The following AKAP13 variants were observed in gnomAD, a reference collection of about 807,000 sequenced individuals.
AKAP13 encodes A-kinase anchor protein 13.
In AKAP13, 80 loss-of-function variants were observed where a neutral mutation model predicts 264.5. The ratio of observed to expected loss-of-function variants is 0.30; its 90% CI spans 0.25 to 0.36. The LOEUF is 0.36. AKAP13 is among the 10% of genes least tolerant of loss of function. The pLI is 1.00. For synonymous variants in AKAP13, 1,380 were observed against 1,250.2 expected, an observed-to-expected ratio of 1.10 and a Z score of -2.19; for missense variants, 3,712 against 3,435.2, an observed-to-expected ratio of 1.08 and a Z score of -2.01.
intron 1 of AKAP13, among the ~76,000 whole-genome samples, chr15:85,383,048 C>A (rs532024672): frequency 4.6e-4 from 70 of 152,196 alleles, no homozygotes; most frequent in African/African-American, 1.5e-3. Context: ...TCAGCCCCCC[C>A]CTTTTTGTGA....
chr15:85,591,748 A>G (rs1013938181), intron 8 of AKAP13, among the ~76,000 whole-genome samples: 1 of 152,156 alleles, frequency 6.6e-6, no homozygotes, highest in African/African-American at 2.4e-5. Flanking sequence ...AGATATGGCC[A>G]AGTTCATTAG....
At chr15:85,491,351 G>T (rs556902084) in intron 2 of AKAP13, among the ~76,000 whole-genome samples, 14 of 151,898 alleles carry the variant, frequency 9.2e-5, no homozygotes, top group Non-Finnish European at 1.6e-4. Context: ...GGGCAGATGG[G>T]ATTCTTAGAT....
chr15:85,408,768 A>G (rs1055330886), intron 1 of AKAP13, among the ~76,000 whole-genome samples: 27 of 151,870 alleles, frequency 1.8e-4, no homozygotes, highest in African/African-American at 6.3e-4. Context: ...GTTATTGTGA[A>G]TAATGTTGCT....
chr15:85,399,578 A>T (rs910955097), intron 1 of AKAP13, among the ~76,000 whole-genome samples: 1 of 151,140 alleles, frequency 6.6e-6, no homozygotes, highest in Non-Finnish European at 1.5e-5. Flanking sequence ...GCCATAAGAT[A>T]ATTACTCATA....
intron 8 of AKAP13, among the ~76,000 whole-genome samples, chr15:85,617,384 C>T (rs1270153067): frequency 6.6e-6 from 1 of 152,212 alleles, no homozygotes; most frequent in African/African-American, 2.4e-5. Flanking sequence ...GTTGGGACTA[C>T]AGGCATGTGC....
chr15:85,715,737 A>G (rs1272740319), intron 19 of AKAP13, 51 bp from the exon 20 acceptor site: 1 of 1,559,822 alleles, frequency 6.4e-7, no homozygotes, highest in East Asian at 2.3e-5. Context: ...ATGGGTCAGT[A>G]CCAGGTGGAG....
chr15:85,718,158 T>C lies in AKAP13; in HGVS notation c.6000T>C (p.Tyr2000=), dbSNP rs2087058448. The C allele has an allele frequency of 1.9e-6, 3 of 1,613,986 alleles. No homozygotes were observed. The highest frequency in any genetic ancestry group is 2.7e-5 in the African/African-American group (2 of 75,056). The stretch of plus-strand genomic sequence containing the variant: ...TGGTCAAACGGCAAGAAGTAATATA[T>C]GGTGAGAGTCTTCATTTTGCTCTGA... ...KDVVKRQEVI[Y]ELMQTEFHHV... Residue 2000 remains tyrosine (Y), a splice_region_variant and synonymous_variant, in exon 22 of 37, where the codon TAT becomes TAC. Coordinates refer to ENST00000394518, the MANE Select transcript of AKAP13 (RefSeq NM_007200.5). The surrounding 1 kb of genome is among the most constrained non-coding windows in gnomAD (Gnocchi z 4.9).
intron 2 of AKAP13, among the ~76,000 whole-genome samples, chr15:85,519,651 G>C (rs2076741036): frequency 6.6e-6 from 1 of 152,220 alleles, no homozygotes. Context: ...AGTAGTAACT[G>C]AAGTCAGTGA....
chr15:85,389,477 A>G (rs1262424208), intron 1 of AKAP13, among the ~76,000 whole-genome samples: 1 of 152,160 alleles, frequency 6.6e-6, no homozygotes. Flanking sequence ...CATTTTGTCC[A>G]CTTTTCTAGT....
intron 2 of AKAP13, among the ~76,000 whole-genome samples, chr15:85,496,765 T>A (rs1281027688): frequency 1.3e-5 from 2 of 152,224 alleles, no homozygotes; most frequent in Non-Finnish European, 2.9e-5. Context: ...GCCTTAACAA[T>A]ACATTTCTGA....
intron 1 of AKAP13, among the ~76,000 whole-genome samples, chr15:85,439,865 A>C (rs909373778): frequency 6.7e-6 from 1 of 148,898 alleles, no homozygotes; most frequent in African/African-American, 2.5e-5. Context: ...GATATACCTA[A>C]TGCTAGATGA....
intron 1 of AKAP13, among the ~76,000 whole-genome samples, chr15:85,391,633 C>T (rs779999700): frequency 7.9e-5 from 12 of 150,998 alleles, no homozygotes; most frequent in Non-Finnish European, 1.6e-4. Flanking sequence ...CACCGGTGTG[C>T]ACCACCACGT....
intron 3 of AKAP13, among the ~76,000 whole-genome samples, chr15:85,522,393 A>G (rs916135075): frequency 3.9e-5 from 6 of 152,156 alleles, no homozygotes; most frequent in African/African-American, 9.7e-5. Flanking sequence ...GGCAAATACA[A>G]AAAGCATGGC....
At chr15:85,415,111 G>A in intron 1 of AKAP13, 1 of 621,458 alleles carries the variant, frequency 1.6e-6, no homozygotes, top group Non-Finnish European at 2.8e-6. Context: ...TCTATAATTA[G>A]TAACAGCATC....
At chr15:85,635,782 T>C (rs2082045657) in intron 8 of AKAP13, among the ~76,000 whole-genome samples, 1 of 152,208 alleles carries the variant, frequency 6.6e-6, no homozygotes, top group Non-Finnish European at 1.5e-5. Flanking sequence ...TGTATTTGTT[T>C]ACATATTAGT....
At position 85,688,099 on chromosome 15, in the gene AKAP13, G is replaced by A. The variant is rs1185819283; in HGVS notation, c.5289+3226G>A. The stretch of plus-strand genomic sequence containing the variant: ...GAAATAGTAAAGCAGTATATTTTGT[G>A]TTAAATACCCTCACTCTGCTATGTA... On this transcript the variant is annotated intron_variant, in intron 16 of 36. Coordinates refer to ENST00000394518, the MANE Select transcript of AKAP13 (RefSeq NM_007200.5). Among the ~76,000 whole-genome samples the A allele has an allele frequency of 3.3e-5, 5 of 151,366 alleles. No individual in the cohort carries two copies. The East Asian group carries it at 9.7e-4, about 29-fold the overall frequency.
At chr15:85,706,757 A>G (rs917780780) in intron 17 of AKAP13, among the ~76,000 whole-genome samples, 1 of 152,214 alleles carries the variant, frequency 6.6e-6, no homozygotes, top group East Asian at 1.9e-4. Flanking sequence ...CAGTGGGTGA[A>G]TGGTCCCTGC....
chr15:85,397,820 A>G (rs971280337), intron 1 of AKAP13, among the ~76,000 whole-genome samples: 16 of 152,218 alleles, frequency 1.1e-4, no homozygotes, highest in Non-Finnish European at 2.4e-4. Context: ...CACTGCCCTT[A>G]AAGCACTCAT....
At chr15:85,622,772 G>A (rs1260676663) in intron 8 of AKAP13, among the ~76,000 whole-genome samples, 2 of 152,148 alleles carry the variant, frequency 1.3e-5, no homozygotes, top group African/African-American at 2.4e-5. Flanking sequence ...ATAATAGAGT[G>A]CAGTCCCAGG....
Sources: gnomAD v4.1 joint callset for allele counts (sites outside exome capture counted in the v4.1 genomes callset) on GRCh38, gnomAD v4.1.1 for gene constraint, Gnocchi (gnomAD v3.1) non-coding constraint, MANE v1.5 for transcripts, NCBI Gene and HGNC (gene_info 2026-07-23, HGNC 2026-07-21) for gene names.